The following ADAMTSL1 variants were observed in gnomAD, a reference collection of about 807,000 sequenced individuals.
ADAMTSL1 encodes the protein ADAMTS like 1.
In ADAMTSL1, 126 loss-of-function variants were observed where a neutral mutation model predicts 201.8. The observed-to-expected ratio is 0.62, with a 90% CI of 0.54 to 0.72. The LOEUF is 0.72. ADAMTSL1 is among the 30% of genes least tolerant of loss of function. ADAMTSL1 has a pLI of 0.00. For missense variants in ADAMTSL1, 2,679 were observed against 2,277.8 expected, an observed-to-expected ratio of 1.18 and a Z score of -3.59; for synonymous variants, 1,121 against 903.4, an observed-to-expected ratio of 1.24 and a Z score of -4.32.
At chr9:18,323,148 A>G (rs1219734560) in intron 2 of ADAMTSL1, among the ~76,000 whole-genome samples, 1 of 152,228 alleles carries the variant, frequency 6.6e-6, no homozygotes, top group South Asian at 2.1e-4. Context: ...ACAATGTGTT[A>G]TAGATCAAAT....
intron 1 of ADAMTSL1, among the ~76,000 whole-genome samples, chr9:17,998,311 A>G (rs530112926): frequency 6.6e-6 from 1 of 152,096 alleles, no homozygotes. Flanking sequence ...TTAAGAAAAG[A>G]TAAAAGAATA....
chr9:18,012,248 G>A (rs549154274), intron 1 of ADAMTSL1, among the ~76,000 whole-genome samples: 69 of 151,964 alleles, frequency 4.5e-4, no homozygotes, highest in Non-Finnish European at 7.2e-4. Context: ...CTAACAGATG[G>A]CCCACATCTG....
chr9:18,362,883 T>C (rs899381134), intron 2 of ADAMTSL1, among the ~76,000 whole-genome samples: 13 of 152,210 alleles, frequency 8.5e-5, no homozygotes, highest in African/African-American at 2.9e-4. Context: ...AAACTGTTGA[T>C]TTCTCTAACA....
At chr9:18,288,119 T>A (rs1478654161) in intron 2 of ADAMTSL1, among the ~76,000 whole-genome samples, 1 of 151,772 alleles carries the variant, frequency 6.6e-6, no homozygotes, top group Admixed American at 6.6e-5. Flanking sequence ...GGGCACATGA[T>A]TGGGAAATTC....
At chr9:18,057,710 C>G (rs1822261124) in intron 1 of ADAMTSL1, among the ~76,000 whole-genome samples, 2 of 152,228 alleles carry the variant, frequency 1.3e-5, no homozygotes, top group Non-Finnish European at 2.9e-5. Context: ...TCCAGCCATA[C>G]CTGCTGAACT....
At chr9:18,677,742 G>A (rs1426490270) in intron 10 of ADAMTSL1, among the ~76,000 whole-genome samples, 2 of 152,014 alleles carry the variant, frequency 1.3e-5, no homozygotes, top group African/African-American at 4.8e-5. Flanking sequence ...CTGGGTGTGT[G>A]TTTGTACTAT....
intron 1 of ADAMTSL1, among the ~76,000 whole-genome samples, chr9:18,150,572 C>T (rs1396505902): frequency 6.6e-6 from 1 of 151,894 alleles, no homozygotes; most frequent in Non-Finnish European, 1.5e-5. Context: ...GGAAGGAAAA[C>T]CTTTGGCTAG....
intron 8 of ADAMTSL1, among the ~76,000 whole-genome samples, chr9:18,658,200 T>G (rs1192955402): frequency 6.6e-6 from 1 of 152,176 alleles, no homozygotes; most frequent in Non-Finnish European, 1.5e-5. Context: ...AGTCTCGATC[T>G]CCTGACCTCG....
chr9:18,022,436 C>T (rs1376516840), intron 1 of ADAMTSL1, among the ~76,000 whole-genome samples: 1 of 152,118 alleles, frequency 6.6e-6, no homozygotes, highest in African/African-American at 2.4e-5. Flanking sequence ...CAATATCCTC[C>T]CTCCTAGCTG....
intron 1 of ADAMTSL1, among the ~76,000 whole-genome samples, chr9:18,006,685 G>C (rs551999914): frequency 2.6e-5 from 4 of 152,054 alleles, no homozygotes; most frequent in Admixed American, 6.6e-5. Context: ...TGATTGATTT[G>C]ATTAACTTCA....
intron 13 of ADAMTSL1, among the ~76,000 whole-genome samples, chr9:18,699,690 G>C (rs1831808181): frequency 6.6e-6 from 1 of 152,172 alleles, no homozygotes; most frequent in African/African-American, 2.4e-5. Flanking sequence ...AGCAATATTA[G>C]ACAGGGACAC....
intron 3 of ADAMTSL1, among the ~76,000 whole-genome samples, chr9:18,551,676 G>A (rs531600167): frequency 4.0e-5 from 6 of 151,526 alleles, no homozygotes; most frequent in South Asian, 2.1e-4. Flanking sequence ...TTAACCTCAC[G>A]GTGCCTCAGT....
intron 4 of ADAMTSL1, among the ~76,000 whole-genome samples, chr9:18,618,492 A>G (rs192597385): frequency 1.0e-3 from 156 of 151,686 alleles, no homozygotes; most frequent in Non-Finnish European, 6.9e-4. Context: ...AATAAACTCA[A>G]TGTAAGTTAT....
chr9:18,339,193 T>C (rs1835366747), intron 2 of ADAMTSL1, among the ~76,000 whole-genome samples: 1 of 152,098 alleles, frequency 6.6e-6, no homozygotes, highest in East Asian at 1.9e-4. Context: ...GGAAAAAATA[T>C]TTGCAAACTA....
intron 26 of ADAMTSL1, among the ~76,000 whole-genome samples, chr9:18,902,323 C>A (rs1830059752): frequency 6.6e-6 from 1 of 152,120 alleles, no homozygotes; most frequent in Non-Finnish European, 1.5e-5. Flanking sequence ...CTCAAGTGCA[C>A]ATGAAAAATT....
chr9:18,524,440 C>G (rs978267462), intron 2 of ADAMTSL1, among the ~76,000 whole-genome samples: 22 of 152,214 alleles, frequency 1.4e-4, no homozygotes, highest in African/African-American at 5.1e-4. Flanking sequence ...ATTTCTTTCT[C>G]CTGCCTGATT....
At chr9:17,936,773 T>C (rs969888738) in intron 1 of ADAMTSL1, among the ~76,000 whole-genome samples, 2 of 152,190 alleles carry the variant, frequency 1.3e-5, no homozygotes, top group African/African-American at 2.4e-5. Flanking sequence ...GATGGGCTTT[T>C]GCCAGAAATT....
chr9:18,320,415 A>G (rs905831180), intron 2 of ADAMTSL1, among the ~76,000 whole-genome samples: 3 of 152,214 alleles, frequency 2.0e-5, no homozygotes, highest in African/African-American at 4.8e-5. Flanking sequence ...ATCCAACAAA[A>G]ACATCCTTCA....
chr9:18,047,854 A>T (rs1314234830), intron 1 of ADAMTSL1, among the ~76,000 whole-genome samples: 1 of 152,208 alleles, frequency 6.6e-6, no homozygotes, highest in Non-Finnish European at 1.5e-5. Context: ...TAGTTTGTTG[A>T]CTTCCAGATG....
Sources: gnomAD v4.1 joint callset for allele counts (sites outside exome capture counted in the v4.1 genomes callset) on GRCh38, gnomAD v4.1.1 for gene constraint, MANE v1.5 for transcripts, NCBI Gene and HGNC (gene_info 2026-07-23, HGNC 2026-07-21) for gene names.